Variants in PRKCE observed in about 807,000 individuals in gnomAD.
The protein encoded by PRKCE is protein kinase C epsilon type.
In PRKCE, 16 loss-of-function variants were observed where a neutral mutation model predicts 85.4. The ratio of observed to expected loss-of-function variants is 0.19; its 90% CI spans 0.13 to 0.28. PRKCE has a LOEUF of 0.28. Ranked by LOEUF, PRKCE falls within the 10% of genes least tolerant of loss-of-function variation. PRKCE has a pLI of 1.00. For synonymous variants in PRKCE, 388 were observed against 371.5 expected, an observed-to-expected ratio of 1.04 and a Z score of -0.51; for missense variants, 573 against 975.2, an observed-to-expected ratio of 0.59 and a Z score of 5.49.
chr2:46,074,428 C>CCAAAAAAAAAAAAAAAAAAAAAAAAAAAA (rs1558423487), intron 10 of PRKCE, among the ~76,000 whole-genome samples: 1 of 26,680 alleles, frequency 3.7e-5, no homozygotes, highest in African/African-American at 1.3e-4. Flanking sequence ...ACAACAACAA[C>CCAAAAAAAAAAAAAAAAAAAAAAAAAAAA]CAAAAAAAAA....
rs566605910 is a variant in PRKCE, at chr2:45,932,498, C to G, written c.413-43931C>G. On this transcript the variant is annotated intron_variant, in intron 2 of 14. Coordinates refer to ENST00000306156, the MANE Select transcript of PRKCE (RefSeq NM_005400.3). ...AGATACTGTCGGTGTTCCAGAATGA[C>G]TGTACAAATTTACACACCCACCAAC... is the stretch of plus-strand genomic sequence containing the variant. Among the ~76,000 whole-genome samples, 21 of 152,332 alleles carry G rather than the reference C, an allele frequency of 1.4e-4. No homozygotes were observed. In the South Asian group the frequency reaches 2.3e-3, roughly 17 times the overall value.
chr2:46,170,669 G>A (rs113590179), intron 14 of PRKCE, among the ~76,000 whole-genome samples: 2 of 152,160 alleles, frequency 1.3e-5, no homozygotes, highest in Non-Finnish European at 2.9e-5. Context: ...ATCAGTTCCA[G>A]TATATGCCCG....
intron 2 of PRKCE, among the ~76,000 whole-genome samples, chr2:45,965,280 C>T (rs1000920747): frequency 6.6e-6 from 1 of 152,324 alleles, no homozygotes; most frequent in Non-Finnish European, 1.5e-5. Flanking sequence ...ATTTAAAACT[C>T]ACTGTCATGA....
intron 2 of PRKCE, among the ~76,000 whole-genome samples, chr2:45,888,800 C>T (rs1045319979): frequency 4.6e-5 from 7 of 152,182 alleles, no homozygotes; most frequent in African/African-American, 1.2e-4. Flanking sequence ...GGAGAAAAGG[C>T]TTGTCTGATT....
intron 11 of PRKCE, among the ~76,000 whole-genome samples, chr2:46,114,407 CTTTTTTTTTTT>C (rs36107970): frequency 6.3e-5 from 3 of 47,682 alleles, no homozygotes; most frequent in South Asian, 2.6e-3. Context: ...GAGTCCAAGG[CTTTTTTTTTTT>C]TTTTTTTTTT....
intron 10 of PRKCE, among the ~76,000 whole-genome samples, chr2:46,051,777 A>G (rs891156027): frequency 2.0e-5 from 3 of 152,212 alleles, no homozygotes; most frequent in Non-Finnish European, 2.9e-5. Flanking sequence ...GAGACTGGGT[A>G]ATTTATAAAG....
chr2:45,766,660 G>C (rs72886155), intron 1 of PRKCE, among the ~76,000 whole-genome samples: 2,219 of 152,334 alleles, frequency 0.015, 40 homozygotes, highest in African/African-American at 0.05. Flanking sequence ...ATGTTGGTTA[G>C]GGTGACTAGC....
intron 1 of PRKCE, among the ~76,000 whole-genome samples, chr2:45,723,972 CT>C (rs1680843111): frequency 6.6e-6 from 1 of 152,208 alleles, no homozygotes; most frequent in Non-Finnish European, 1.5e-5. Flanking sequence ...TGAGGAGACC[CT>C]GCTTTCAGCT....
At chr2:45,750,085 T>C (rs1433448742) in intron 1 of PRKCE, among the ~76,000 whole-genome samples, 1 of 152,246 alleles carries the variant, frequency 6.6e-6, no homozygotes, top group African/African-American at 2.4e-5. Flanking sequence ...TCTCCTTTGT[T>C]CTACACCCAA....
Position 46,159,848 on chromosome 2 carries a change from C to T in PRKCE, c.2067+96C>T. 4 of 1,464,900 alleles carry T rather than the reference C, an allele frequency of 2.7e-6. No individual in the cohort carries two copies. Among genetic ancestry groups the T allele is most frequent in the Non-Finnish European group, 3.7e-6 (4 of 1,084,434 alleles). The allele number at this position is 1,464,900 out of a possible 1,614,324, so 90.7% of individuals were successfully genotyped here. ...CCCAGGAAGAGTTGGTCAGGGGATG[C>T]GTATTACAGTAAAAATGACAAAGAC... On this transcript the variant is annotated intron_variant, in intron 14 of 14. Transcript: ENST00000306156. This position sits in a 1 kb window ranked among gnomAD's most constrained non-coding sequence, Gnocchi z 4.1.
rs907600887 is a variant in PRKCE at position 46,184,674 on chromosome 2, A to T, written c.2068-61A>T. Reference sequence around the variant, plus strand: ...CTGGTCAGTGCGGTGCCCACTCCCCATGGGGGGCCCTCAGGAGGGAGAGCA... The same window carrying T: ...CTGGTCAGTGCGGTGCCCACTCCCCTTGGGGGGCCCTCAGGAGGGAGAGCA... On this transcript the variant is annotated intron_variant, in intron 14 of 14. Transcript: ENST00000306156. The surrounding 1 kb of genome is among the most constrained non-coding windows in gnomAD (Gnocchi z 5.0). 1 of 1,577,068 alleles carries T rather than the reference A, an allele frequency of 6.3e-7. No homozygotes were observed. Among genetic ancestry groups the T allele is most frequent in the South Asian group, 1.2e-5 (1 of 85,802 alleles).
intron 2 of PRKCE, among the ~76,000 whole-genome samples, chr2:45,917,986 C>T (rs992055376): frequency 6.6e-6 from 1 of 152,238 alleles, no homozygotes; most frequent in South Asian, 2.1e-4. Context: ...CCCGCCAAGC[C>T]CACGCCCACC....
intron 1 of PRKCE, among the ~76,000 whole-genome samples, chr2:45,806,561 C>T (rs1278176066): frequency 1.3e-5 from 2 of 152,234 alleles, no homozygotes; most frequent in African/African-American, 4.8e-5. Flanking sequence ...AGAACCGTAA[C>T]TGTCTCTTTA....
intron 1 of PRKCE, among the ~76,000 whole-genome samples, chr2:45,784,385 T>C (rs916278526): frequency 6.6e-6 from 1 of 152,244 alleles, no homozygotes; most frequent in Non-Finnish European, 1.5e-5. Context: ...TGGCTGTGAA[T>C]CTAGGAGAAG....
At chr2:45,999,166 C>T (rs1704462162) in intron 6 of PRKCE, among the ~76,000 whole-genome samples, 1 of 152,146 alleles carries the variant, frequency 6.6e-6, no homozygotes, top group Non-Finnish European at 1.5e-5. Context: ...TATTTCTTCA[C>T]CTTTCTTTAC....
At chr2:45,921,053 G>A (rs982134115) in intron 2 of PRKCE, among the ~76,000 whole-genome samples, 1 of 152,190 alleles carries the variant, frequency 6.6e-6, no homozygotes, top group Admixed American at 6.5e-5. Flanking sequence ...GAGGACTCAA[G>A]GAAGTCTGGA....
rs984004974 is a variant in PRKCE at position 45,651,759 on chromosome 2, A to G, written c.-342A>G. On this transcript the variant is annotated 5_prime_UTR_variant, in exon 1 of 15. Coordinates refer to ENST00000306156, the MANE Select transcript of PRKCE (RefSeq NM_005400.3). ...TCCCGCAGTCCGGAGCCGGAGAGCC[A>G]GCGAGGCGGCGAGGCAGCCCCCGCG... The G allele has an allele frequency of 5.3e-6, 1 of 188,886 alleles. No homozygotes were observed. Among genetic ancestry groups the G allele is most frequent in the Non-Finnish European group, 1.1e-5 (1 of 92,194 alleles). 11.7% of individuals were successfully genotyped at this position (188,886 alleles called of 1,614,324 possible). A position where few individuals can be genotyped will look rare whatever the true frequency, so the allele number is the denominator to read the frequency against.
In PRKCE at chr2:46,030,430, C is replaced by A. The variant is rs76398474; in HGVS notation, c.1437+19913C>A. 5.6e-3 allele frequency among the ~76,000 whole-genome samples: 860 copies of A among 152,294 alleles called. 19 individuals carry two copies. Among genetic ancestry groups the A allele is most frequent in the South Asian group, 0.044 (211 of 4,824 alleles). On this transcript the variant is annotated intron_variant, in intron 10 of 14. Coordinates refer to ENST00000306156, the MANE Select transcript of PRKCE (RefSeq NM_005400.3). Reference sequence around the variant, plus strand: ...AATACCCCAAGTAGTGGGGCGGTCCCAAATACCAACTTGGTAGTGGGGGTT... The same window carrying A: ...AATACCCCAAGTAGTGGGGCGGTCCAAAATACCAACTTGGTAGTGGGGGTT...
chr2:46,115,068 T>C (rs532492993), intron 11 of PRKCE, among the ~76,000 whole-genome samples: 14 of 152,316 alleles, frequency 9.2e-5, no homozygotes, highest in African/African-American at 3.1e-4. Context: ...TGAATCAGGC[T>C]GCTATAGAAT....
Sources: allele counts gnomAD v4.1 joint callset (sites outside exome capture counted in the v4.1 genomes callset), GRCh38; gene constraint gnomAD v4.1.1; non-coding constraint Gnocchi (gnomAD v3.1); transcripts MANE v1.5; gene names NCBI Gene and HGNC (gene_info 2026-07-23, HGNC 2026-07-21).